TMEM167B: variants seen among roughly 807,000 people sequenced by gnomAD.
The protein encoded by TMEM167B is transmembrane protein 167B.
A neutral mutation model predicts 9.4 loss-of-function variants in TMEM167B; 2 were observed. The observed-to-expected ratio is 0.21, with a 90% CI of 0.09 to 0.67. The LOEUF (loss-of-function observed/expected upper bound fraction) is 0.67. Among genes scored for constraint, TMEM167B ranks in the 30% least tolerant of loss-of-function variants. The pLI, the probability that TMEM167B is intolerant of heterozygous loss-of-function variation, is 0.82. For missense variants in TMEM167B, 68 were observed against 87.6 expected (o/e 0.78, Z 0.89); for synonymous variants, 28 against 32.0 (o/e 0.87, Z 0.42).
Position 109,094,659 on chromosome 1 carries a change from C to A in TMEM167B, c.*160C>A. On this transcript the variant is annotated 3_prime_UTR_variant, in exon 3 of 3. Transcript: ENST00000338272. ...GCTATATGTGGGGAAAACTCATGGT[C>A]ACGAACATTATTTATGCTTCAGGGG... 1 of 657,776 alleles carries A rather than the reference C, an allele frequency of 1.5e-6. No homozygotes were observed. The highest frequency in any genetic ancestry group is 2.7e-6 in the Non-Finnish European group (1 of 376,878). 40.7% of individuals were successfully genotyped at this position (657,776 alleles called of 1,614,324 possible). A position where few individuals can be genotyped will look rare whatever the true frequency, so the allele number is the denominator to read the frequency against.
rs1160422021 is a variant in TMEM167B, at chr1:109,094,570, C to A, written c.*71C>A. On this transcript the variant is annotated 3_prime_UTR_variant, in exon 3 of 3. Coordinates refer to ENST00000338272, the MANE Select transcript of TMEM167B (RefSeq NM_020141.4). ...ATGAAGAACCTGTTGGAGACCTGAA[C>A]CCAGTGTAGGAGAGTTCAGCTGAAA... 3 of 1,468,648 alleles carry A rather than the reference C, an allele frequency of 2.0e-6. No individual in the cohort carries two copies. The highest frequency in any genetic ancestry group is 3.4e-5 in the Admixed American group (2 of 59,658). 91.0% of individuals were successfully genotyped at this position (1,468,648 alleles called of 1,614,324 possible).
intron 1 of TMEM167B, 145 bp from the exon 2 acceptor site, chr1:109,092,745 C>G: frequency 1.1e-6 from 1 of 918,720 alleles, no homozygotes; most frequent in Non-Finnish European, 1.7e-6. Context: ...GATCCTGGCT[C>G]CCCCTTGTCA....
In TMEM167B at chr1:109,093,110, A is replaced by G. The variant is rs904941464; in HGVS notation, c.142+89A>G. 1.9e-5 allele frequency: 29 copies of G among 1,512,460 alleles called. No individual in the cohort carries two copies. In the African/African-American group the frequency reaches 2.2e-4, roughly 12 times the overall value. 93.7% of individuals were successfully genotyped at this position (1,512,460 alleles called of 1,614,324 possible). ...AGGGAGTACAGTGAGCTGGGATTAT[A>G]TTTGGTTTCATTTTTAGAAAAAAAT... On this transcript the variant is annotated intron_variant, in intron 2 of 2. Coordinates refer to ENST00000338272, the MANE Select transcript of TMEM167B (RefSeq NM_020141.4).
At chr1:109,092,039 C>A (rs1664462158) in intron 1 of TMEM167B, among the ~76,000 whole-genome samples, 1 of 152,162 alleles carries the variant, frequency 6.6e-6, no homozygotes, top group African/African-American at 2.4e-5. Flanking sequence ...CATTCTTCCC[C>A]CATTTTGTGG....
intron 2 of TMEM167B, chr1:109,093,378 G>A: frequency 4.8e-6 from 1 of 209,046 alleles, no homozygotes; most frequent in Non-Finnish European, 9.9e-6. Context: ...TGTAGTCCCA[G>A]TTACTCAGGA....
chr1:109,093,039 C>T lies in TMEM167B; in HGVS notation c.142+18C>T. 1 of 1,613,690 alleles carries T rather than the reference C, an allele frequency of 6.2e-7. No homozygotes were observed. Among genetic ancestry groups the T allele is most frequent in the Non-Finnish European group, 8.5e-7 (1 of 1,179,810 alleles). On this transcript the variant is annotated intron_variant, in intron 2 of 2. Transcript: ENST00000338272. ...TTACAAAGGTGAGGCCATGTCTGGA[C>T]AGGGAGAAGAGACTGCCATCTCTGG...
chr1:109,094,485 C>G lies in TMEM167B; in HGVS notation c.211C>G (p.Leu71Val). 6.2e-7 allele frequency: 1 copy of G among 1,613,926 alleles called. No individual in the cohort carries two copies. The highest frequency in any genetic ancestry group is 8.5e-7 in the Non-Finnish European group (1 of 1,180,010). ...IACVVMAFYV[L>V]FIK is the part of the protein sequence containing the mutation. ...TTGTGTTGTAATGGCCTTTTACGTC[C>G]TGTTTATAAAATGAATTCCAAAGCA... Residue 71 changes from leucine (L) to valine (V), a missense_variant, in exon 3 of 3, where the codon CTG becomes GTG. Coordinates refer to ENST00000338272, the MANE Select transcript of TMEM167B (RefSeq NM_020141.4).
chr1:109,091,305 T>A (rs1266200562), intron 1 of TMEM167B, among the ~76,000 whole-genome samples: 2 of 152,152 alleles, frequency 1.3e-5, no homozygotes, highest in Non-Finnish European at 2.9e-5. Flanking sequence ...AGTCCCACAC[T>A]TTTGGGGTTG....
At chr1:109,091,072 C>T (rs1345165632) in intron 1 of TMEM167B, among the ~76,000 whole-genome samples, 190 bp downstream of exon 1, 1 of 151,774 alleles carries the variant, frequency 6.6e-6, no homozygotes, top group Non-Finnish European at 1.5e-5. Flanking sequence ...TCATCTAGGA[C>T]CCCCAGTGCC....
At position 109,094,303 on chromosome 1, in the gene TMEM167B, G is replaced by A. The variant is rs556881758; in HGVS notation, c.143-114G>A. On this transcript the variant is annotated intron_variant, in intron 2 of 2. Coordinates refer to ENST00000338272, the MANE Select transcript of TMEM167B (RefSeq NM_020141.4). ...CAAAAATAAAATAAAAACATCCCAG[G>A]CCCTTGAGAGCGTTGATATGTCTGT... The A allele has an allele frequency of 5.0e-4, 506 of 1,017,228 alleles. 4 individuals carry two copies. The highest frequency in any genetic ancestry group is 2.7e-3 in the South Asian group (196 of 71,498). 63.0% of individuals were successfully genotyped at this position (1,017,228 alleles called of 1,614,324 possible). A position where few individuals can be genotyped will look rare whatever the true frequency, so the allele number is the denominator to read the frequency against.
At position 109,094,403 on chromosome 1, in the gene TMEM167B, C is replaced by G; in HGVS notation, c.143-14C>G. ...AAGGGCAGGGTGTGATTTCTTCTCT[C>G]TTTTGCCTGCTAGCCGCTGTGATTG... is the stretch of plus-strand genomic sequence containing the variant. On this transcript the variant is annotated splice_polypyrimidine_tract_variant and intron_variant, in intron 2 of 2. Coordinates refer to ENST00000338272, the MANE Select transcript of TMEM167B (RefSeq NM_020141.4). The G allele has an allele frequency of 1.2e-6, 2 of 1,613,924 alleles. No homozygotes were observed. The highest frequency in any genetic ancestry group is 1.7e-6 in the Non-Finnish European group (2 of 1,179,964).
intron 2 of TMEM167B, 29 bp downstream of exon 2, chr1:109,093,050 G>A (rs1403888398): frequency 1.2e-6 from 2 of 1,613,646 alleles, no homozygotes; most frequent in Non-Finnish European, 1.7e-6. Context: ...AGGGAGAAGA[G>A]ACTGCCATCT....
chr1:109,093,744 A>T (rs1034310235), intron 2 of TMEM167B: 3 of 152,224 alleles, frequency 2.0e-5, no homozygotes, highest in African/African-American at 7.2e-5. Context: ...AGGCACATTC[A>T]TTTGGAATCC....
At chr1:109,091,649 T>C (rs1026560466) in intron 1 of TMEM167B, 2 of 152,248 alleles carry the variant, frequency 1.3e-5, no homozygotes, top group African/African-American at 2.4e-5. Flanking sequence ...TCAAAAGTAC[T>C]TTGTCCATAG....
chr1:109,091,787 T>A (rs1052171223), intron 1 of TMEM167B: 3 of 152,218 alleles, frequency 2.0e-5, no homozygotes, highest in African/African-American at 7.2e-5. Flanking sequence ...TGTATTAATT[T>A]GCTGGACCCT....
intron 2 of TMEM167B, 94 bp downstream of exon 2, chr1:109,093,115 G>C: frequency 1.3e-6 from 2 of 1,509,414 alleles, no homozygotes; most frequent in South Asian, 2.6e-5. Context: ...ATTATATTTG[G>C]TTTCATTTTT....
intron 2 of TMEM167B, among the ~76,000 whole-genome samples, 189 bp from the exon 3 acceptor site, chr1:109,094,228 C>T (rs771032897): frequency 2.8e-4 from 42 of 152,216 alleles, no homozygotes; most frequent in East Asian, 1.9e-4. Flanking sequence ...TGCAGTGAGC[C>T]GAGATCGCGC....
rs932227208 is a variant in TMEM167B, at chr1:109,090,850, AC to A, written c.-20del. 5 of 1,584,238 alleles carry A rather than the reference AC, an allele frequency of 3.2e-6. No homozygotes were observed. Among genetic ancestry groups the A allele is most frequent in the Non-Finnish European group, 4.3e-6 (5 of 1,165,172 alleles). ...TATTACCACTGAACCCGGACCCCCT[AC>A]CCAGGTCCAGGGCCAGCCGCCATGA... On this transcript the variant is annotated 5_prime_UTR_variant, in exon 1 of 3. Transcript: ENST00000338272.
rs1293481947 is a variant in TMEM167B at position 109,095,193 on chromosome 1, A to G, written c.*694A>G. On this transcript the variant is annotated 3_prime_UTR_variant, in exon 3 of 3. Transcript: ENST00000338272. ...ATGAGACCAGAAAGCAGTGGCTTAG[A>G]CAAGAAAAAATCTTTCTGTTCACCA... is the stretch of plus-strand genomic sequence containing the variant. 6.6e-6 allele frequency: 1 copy of G among 152,238 alleles called. No individual in the cohort carries two copies. Among genetic ancestry groups the G allele is most frequent in the Non-Finnish European group, 1.5e-5 (1 of 68,036 alleles). 9.4% of individuals were successfully genotyped at this position (152,238 alleles called of 1,614,324 possible).
Sources: allele counts gnomAD v4.1 joint callset (sites outside exome capture counted in the v4.1 genomes callset), GRCh38; gene constraint gnomAD v4.1.1; transcripts MANE v1.5; gene names NCBI Gene and HGNC (gene_info 2026-07-23, HGNC 2026-07-21).